Variants in BDP1 observed in about 807,000 individuals in gnomAD.
BDP1 encodes the protein transcription factor TFIIIB component B'' homolog.
In BDP1, 169 loss-of-function variants were observed where a neutral mutation model predicts 266.6. That is an observed-to-expected ratio of 0.63 (90% CI 0.56 to 0.72). BDP1 has a LOEUF of 0.72. Ranked by LOEUF, BDP1 falls within the 30% of genes least tolerant of loss-of-function variation. BDP1 has a pLI of 0.00. For missense variants in BDP1, 3,015 were observed against 3,053.8 expected (o/e 0.99, Z 0.30); for synonymous variants, 1,090 against 1,022.4 (o/e 1.07, Z -1.26).
At chr5:71,570,050 G>A (rs910913376), downstream of BDP1, among the ~76,000 whole-genome samples, 4 of 152,142 alleles carry the variant, frequency 2.6e-5, no homozygotes, top group African/African-American at 9.7e-5. Flanking sequence ...AGGAAACTGT[G>A]TGATGATTCT....
At chr5:71,559,444 C>T (rs925761640) in intron 36 of BDP1, among the ~76,000 whole-genome samples, 2 of 152,182 alleles carry the variant, frequency 1.3e-5, no homozygotes, top group African/African-American at 4.8e-5. Context: ...GAGAACAAGG[C>T]CTTAGCTATA....
At chr5:71,522,692 C>G in intron 23 of BDP1, 64 bp from the exon 24 acceptor site, 2 of 1,476,682 alleles carry the variant, frequency 1.4e-6, no homozygotes, top group Middle Eastern at 1.8e-4. Context: ...GCCAAACTAC[C>G]AAACCAAATT....
the BDP1 span, among the ~76,000 whole-genome samples, chr5:71,577,507 A>C: frequency 6.6e-6 from 1 of 152,224 alleles, no homozygotes; most frequent in East Asian, 1.9e-4. Flanking sequence ...TGCAGCAGTA[A>C]TTGTGTTGTC....
Position 71,513,360 on chromosome 5 carries a change from G to C in BDP1, c.4423G>C (p.Val1475Leu). 1 of 1,598,310 alleles carries C rather than the reference G, an allele frequency of 6.3e-7. No homozygotes were observed. The highest frequency in any genetic ancestry group is 1.1e-5 in the South Asian group (1 of 88,514). The change falls in exon 19 of 39, where the codon GTG (valine) becomes CTG (leucine). Residue 1475 changes from valine to leucine, a missense_variant. By Grantham distance (32) the Val-to-Leu change is conservative. Around this residue, in one of 3 missense-constraint regions of BDP1, gnomAD observed 2,383 missense variants for 2,404.9 expected, o/e 0.99. Transcript: ENST00000358731. ...KSETKKMETI[V>L]MQENNEQTDT... ...AGAAACCAAGAAAATGGAGACTATT[G>C]TGATGCAAGAAAATAATGAACAAAC...
rs115185087 is a variant in BDP1, at chr5:71,562,515, A to G, written c.7738A>G (p.Thr2580Ala). ...TQSENISSSA[T>A]QVSCDQPLLK... ...ATCTGAGAATATTAGCAGCTCAGCA[A>G]CTCAGGTATGTGATAACTACTGTAT... Residue 2580 changes from threonine to alanine, a missense_variant, in exon 38 of 39, where the codon ACT becomes GCT. Physicochemically the swap from Thr to Ala is moderately conservative, Grantham distance 58. Transcript: ENST00000358731. 0.049 allele frequency: 79,261 copies of G among 1,612,654 alleles called. 2,453 individuals are homozygous for G. Among genetic ancestry groups the G allele is most frequent in the Admixed American group, 0.13 (7,683 of 59,838 alleles).
intron 28 of BDP1, among the ~76,000 whole-genome samples, chr5:71,540,118 G>A (rs886784974): frequency 3.9e-5 from 6 of 152,080 alleles, no homozygotes; most frequent in African/African-American, 1.4e-4. Context: ...TCTCAGTTTG[G>A]ACAGAGCCAA....
At chr5:71,490,814 A>G (rs551469348) in intron 10 of BDP1, among the ~76,000 whole-genome samples, 170 bp from the exon 11 acceptor site, 1 of 152,338 alleles carries the variant, frequency 6.6e-6, no homozygotes, top group African/African-American at 2.4e-5. Flanking sequence ...ATCCTCATAT[A>G]TGTTAAGTTT....
chr5:71,497,816 T>C (rs1763984249), intron 13 of BDP1, among the ~76,000 whole-genome samples: 1 of 152,224 alleles, frequency 6.6e-6, no homozygotes, highest in Admixed American at 6.5e-5. Flanking sequence ...TCTTGCTCTA[T>C]TGCCCAGGCA....
At chr5:71,473,874 C>T (rs1030432071) in intron 7 of BDP1, among the ~76,000 whole-genome samples, 25 of 150,776 alleles carry the variant, frequency 1.7e-4, no homozygotes, top group African/African-American at 5.6e-4. Context: ...GTTCCCCTTC[C>T]TGTGTCCATG....
downstream of BDP1, among the ~76,000 whole-genome samples, chr5:71,572,026 A>T (rs1159554672): frequency 6.6e-6 from 1 of 152,208 alleles, no homozygotes; most frequent in Non-Finnish European, 1.5e-5. Flanking sequence ...CCTGCCCCAG[A>T]AAGTTTGCTG....
chr5:71,563,640 C>T (rs544108156), intron 38 of BDP1, among the ~76,000 whole-genome samples: 13 of 151,982 alleles, frequency 8.6e-5, no homozygotes, highest in South Asian at 2.1e-4. Context: ...CAGCTGGGTG[C>T]GGTGGCTCAC....
chr5:71,468,549 C>T (rs1762044102), intron 6 of BDP1, among the ~76,000 whole-genome samples: 1 of 150,774 alleles, frequency 6.6e-6, no homozygotes, highest in African/African-American at 2.4e-5. Flanking sequence ...GAATGTTCCT[C>T]TCTGTCAAAT....
At chr5:71,577,450 A>G in the BDP1 span, among the ~76,000 whole-genome samples, 1,569 of 152,358 alleles carry the variant, frequency 0.01, 20 homozygotes, top group African/African-American at 0.036. Context: ...TGGCAGTGTT[A>G]TAATCCACGA....
At chr5:71,556,812 A>G (rs1226368536) in intron 35 of BDP1, 74 bp from the exon 36 acceptor site, 1 of 711,980 alleles carries the variant, frequency 1.4e-6, no homozygotes, top group Non-Finnish European at 2.2e-6. Context: ...TACTTAAAGA[A>G]AAAAAGGAAA....
chr5:71,530,963 A>C (rs1766207918), intron 25 of BDP1, among the ~76,000 whole-genome samples: 3 of 152,106 alleles, frequency 2.0e-5, no homozygotes, highest in Admixed American at 2.0e-4. Flanking sequence ...AGTCCCAGCT[A>C]CTTGGAGGGC....
intron 7 of BDP1, among the ~76,000 whole-genome samples, chr5:71,472,939 A>G (rs1172474798): frequency 2.4e-5 from 3 of 126,434 alleles, no homozygotes; most frequent in African/African-American, 5.8e-5. Flanking sequence ...CTGTCACCCA[A>G]GCTGGAGTGC....
chr5:71,516,381 T>A lies in BDP1; in HGVS notation c.4860+110T>A, dbSNP rs1765223943. On this transcript the variant is annotated intron_variant, in intron 21 of 38. Coordinates refer to ENST00000358731, the MANE Select transcript of BDP1 (RefSeq NM_018429.3). ...GGCATCTGACACTTATTCTACTCAA[T>A]GAATACAGTTTCCAGTTTTGTTTCA... 5.3e-6 allele frequency: 4 copies of A among 754,848 alleles called. No individual in the cohort carries two copies. The African/African-American group carries it at 7.2e-5, about 14-fold the overall frequency. The allele number at this position is 754,848 out of a possible 1,614,324, so 46.8% of individuals were successfully genotyped here.
chr5:71,537,207 TAAA>T (rs1766674567), intron 26 of BDP1, among the ~76,000 whole-genome samples: 1 of 138,230 alleles, frequency 7.2e-6, no homozygotes, highest in South Asian at 2.3e-4. Flanking sequence ...AAAAGTAACT[TAAA>T]AATTTCAAGA....
chr5:71,552,999 A>T, intron 34 of BDP1, 117 bp from the exon 35 acceptor site: 1 of 867,600 alleles, frequency 1.2e-6, no homozygotes, highest in Non-Finnish European at 1.7e-6. Flanking sequence ...TGGAATTTTC[A>T]TTGGAATACC....
Sources: allele counts gnomAD v4.1 joint callset (sites outside exome capture counted in the v4.1 genomes callset), GRCh38; gene constraint gnomAD v4.1.1; regional missense constraint gnomAD v4.1.1; transcripts MANE v1.5; gene names NCBI Gene and HGNC (gene_info 2026-07-23, HGNC 2026-07-21).